Variants in RAB3GAP2 observed in about 807,000 individuals in gnomAD.
The protein encoded by RAB3GAP2 is rab3 GTPase-activating protein non-catalytic subunit.
A neutral mutation model predicts 185.3 loss-of-function variants in RAB3GAP2; 87 were observed. The observed-to-expected ratio is 0.47, with a 90% CI of 0.39 to 0.56. The LOEUF (loss-of-function observed/expected upper bound fraction) is 0.56. Among genes scored for constraint, RAB3GAP2 ranks in the 20% least tolerant of loss-of-function variants. RAB3GAP2 has a pLI of 0.00. For missense variants in RAB3GAP2, 1,492 were observed against 1,638.2 expected, an observed-to-expected ratio of 0.91 and a Z score of 1.54; for synonymous variants, 554 against 576.1, an observed-to-expected ratio of 0.96 and a Z score of 0.55.
rs755085308 is a variant in RAB3GAP2, at chr1:220,205,101, G to A, written c.712+806C>T. 7.1e-4 allele frequency among the ~76,000 whole-genome samples: 108 copies of A among 152,064 alleles called. 2 individuals are homozygous for A. Among genetic ancestry groups the A allele is most frequent in the Non-Finnish European group, 5.3e-4 (36 of 67,984 alleles). ...CTGAAATTGAGATCTGAAAATTGATGGTGTGTCTTTCACTGGCAACAGTTT... is the reference window on the plus strand; with the variant it reads ...CTGAAATTGAGATCTGAAAATTGATAGTGTGTCTTTCACTGGCAACAGTTT... On this transcript the variant is annotated intron_variant, in intron 8 of 34. Coordinates refer to ENST00000358951, the MANE Select transcript of RAB3GAP2 (RefSeq NM_012414.4).
Position 220,151,219 on chromosome 1 carries a change from C to G in RAB3GAP2, c.*32G>C, listed in dbSNP as rs746468351. 6 of 1,600,586 alleles carry G rather than the reference C, an allele frequency of 3.7e-6. No individual in the cohort carries two copies. In the East Asian group the frequency reaches 1.3e-4, roughly 36 times the overall value. On this transcript the variant is annotated 3_prime_UTR_variant, in exon 35 of 35. Coordinates refer to ENST00000358951, the MANE Select transcript of RAB3GAP2 (RefSeq NM_012414.4). ...ACCATGCACTACTTCATGTTATAATCATAATTTTAGACTATTTCCAGTAGG... is the reference window on the plus strand; with the variant it reads ...ACCATGCACTACTTCATGTTATAATGATAATTTTAGACTATTTCCAGTAGG...
chr1:220,218,005 G>A (rs1659229850), intron 2 of RAB3GAP2, among the ~76,000 whole-genome samples: 1 of 152,132 alleles, frequency 6.6e-6, no homozygotes, highest in South Asian at 2.1e-4. Context: ...CATGACAAAA[G>A]CATTGGAAAT....
At chr1:220,193,449 ATG>A in intron 12 of RAB3GAP2, 70 bp from the exon 13 acceptor site, 1 of 1,441,984 alleles carries the variant, frequency 6.9e-7, no homozygotes. Flanking sequence ...GAATAACGAA[ATG>A]CATAAATGAA....
chr1:220,173,123 G>T (rs1217618661), intron 21 of RAB3GAP2, among the ~76,000 whole-genome samples: 1 of 152,218 alleles, frequency 6.6e-6, no homozygotes, highest in Non-Finnish European at 1.5e-5. Flanking sequence ...GGTAGGATCT[G>T]TAGCTGTGGA....
At chr1:220,164,611 G>A (rs1034813335) in intron 27 of RAB3GAP2, 122 bp downstream of exon 27, 1 of 1,385,368 alleles carries the variant, frequency 7.2e-7, no homozygotes, top group African/African-American at 1.5e-5. Flanking sequence ...ACAGTAATAT[G>A]TTAGGCTGCA....
At chr1:220,269,027 G>C (rs12404532) in intron 1 of RAB3GAP2, among the ~76,000 whole-genome samples, 21,422 of 152,180 alleles carry the variant, frequency 0.14, 1,968 homozygotes, top group Admixed American at 0.22. Flanking sequence ...TACCATACTG[G>C]ACAGTAGAAA....
intron 1 of RAB3GAP2, among the ~76,000 whole-genome samples, chr1:220,268,976 G>A (rs1299689817): frequency 1.3e-5 from 2 of 152,110 alleles, no homozygotes; most frequent in African/African-American, 4.8e-5. Flanking sequence ...AGTTGCACTG[G>A]CCACATTTCA....
In RAB3GAP2 at chr1:220,171,000, G is replaced by C; in HGVS notation, c.2698C>G (p.Gln900Glu). 1.2e-6 allele frequency: 2 copies of C among 1,614,158 alleles called. No homozygotes were observed. The highest frequency in any genetic ancestry group is 1.7e-6 in the Non-Finnish European group (2 of 1,180,008). Residue 900 changes from glutamine (Q) to glutamate (E), a missense_variant, in exon 24 of 35, where the codon CAG (glutamine) becomes GAG (glutamate). By Grantham distance (29) the Gln-to-Glu change is conservative. Transcript: ENST00000358951. ...TTCCCTTTGCTGTGAAGCAGAGTCT[G>C]AAGTATGAGACAATCCTCCAGCTGT... Reference protein sequence around the residue: ...LKQLEDCLILQTLLHSKGNTQ... With the variant: ...LKQLEDCLILETLLHSKGNTQ...
chr1:220,151,287 A>C lies in RAB3GAP2; in HGVS notation c.4146T>G (p.Ile1382Met). The change falls in exon 35 of 35, where the codon ATT (isoleucine) becomes ATG (methionine). Residue 1382 changes from isoleucine (I) to methionine (M), a missense_variant. Around this residue, in one of 5 missense-constraint regions of RAB3GAP2, gnomAD observed 387 missense variants for 455.3 expected, o/e 0.85. Transcript: ENST00000358951. The part of the protein sequence containing the change: ...HGQYGLALHL[I>M]EAVEAISLPS... ...GAAGAGATATGGCTTCCACAGCTTCAATGAGGTGTAAGGCTAGACCATATT... is the reference window on the plus strand; with the variant it reads ...GAAGAGATATGGCTTCCACAGCTTCCATGAGGTGTAAGGCTAGACCATATT... 1.2e-6 allele frequency: 2 copies of C among 1,614,042 alleles called. No homozygotes were observed. The highest frequency in any genetic ancestry group is 1.7e-6 in the Non-Finnish European group (2 of 1,179,970).
intron 17 of RAB3GAP2, among the ~76,000 whole-genome samples, chr1:220,186,641 C>T (rs939427222): frequency 1.1e-4 from 16 of 152,114 alleles, no homozygotes; most frequent in African/African-American, 3.9e-4. Flanking sequence ...AACAGTCTCC[C>T]AAAGCCTGAA....
intron 1 of RAB3GAP2, among the ~76,000 whole-genome samples, chr1:220,246,212 A>G (rs1659812002): frequency 6.6e-6 from 1 of 152,250 alleles, no homozygotes; most frequent in South Asian, 2.1e-4. Context: ...AATGCAAATC[A>G]AAACCACAAT....
chr1:220,244,834 G>A (rs752538340), intron 1 of RAB3GAP2, among the ~76,000 whole-genome samples: 2 of 152,038 alleles, frequency 1.3e-5, no homozygotes, highest in Non-Finnish European at 2.9e-5. Context: ...CAAGATAGAT[G>A]AAAGACTTAA....
At chr1:220,180,285 G>T (rs1253420936) in intron 21 of RAB3GAP2, among the ~76,000 whole-genome samples, 2 of 151,764 alleles carry the variant, frequency 1.3e-5, no homozygotes, top group Non-Finnish European at 2.9e-5. Context: ...ATTAGTAAAA[G>T]AAGTAATAAA....
intron 27 of RAB3GAP2, among the ~76,000 whole-genome samples, chr1:220,164,473 G>GTTTTTTTTTTTTTTTTTTTT (rs35024056): frequency 1.9e-5 from 2 of 105,650 alleles, no homozygotes; most frequent in Non-Finnish European, 3.8e-5. Flanking sequence ...TTTTTGTTTT[G>GTTTTTTTTTTTTTTTTTTTT]TTTTTTTTTT....
chr1:220,270,351 C>T (rs1052526236), intron 1 of RAB3GAP2, among the ~76,000 whole-genome samples: 6 of 152,234 alleles, frequency 3.9e-5, no homozygotes, highest in African/African-American at 1.4e-4. Flanking sequence ...TGAACTGACA[C>T]TTTTTGCTGT....
chr1:220,210,330 G>A, intron 7 of RAB3GAP2, 58 bp downstream of exon 7: 2 of 1,269,842 alleles, frequency 1.6e-6, no homozygotes, highest in South Asian at 2.4e-5. Flanking sequence ...AAAAAGAGGA[G>A]AGAAACTGCT....
chr1:220,159,306 T>C (rs1657918471), intron 29 of RAB3GAP2, 80 bp downstream of exon 29: 1 of 1,189,646 alleles, frequency 8.4e-7, no homozygotes, highest in Non-Finnish European at 1.2e-6. Context: ...AAAGGCAAAG[T>C]TCACCTATAC....
In RAB3GAP2 at chr1:220,184,146, C is replaced by T. The variant is rs1658467797; in HGVS notation, c.1888G>A (p.Glu630Lys). The T allele has an allele frequency of 6.2e-7, 1 of 1,610,666 alleles. No homozygotes were observed. The highest frequency in any genetic ancestry group is 1.3e-5 in the African/African-American group (1 of 74,790). The change falls in exon 19 of 35, where the codon GAA becomes AAA. Residue 630 changes from glutamate (E) to lysine (K), a missense_variant. Glu to Lys is a moderately conservative substitution (Grantham distance 56). This residue lies in a region of RAB3GAP2 where 681 missense variants were observed against 689.1 expected (regional missense o/e 0.99). Coordinates refer to ENST00000358951, the MANE Select transcript of RAB3GAP2 (RefSeq NM_012414.4). ...TTGGCACAAAACTGTAGCAATCCTT[C>T]ATCAACAGACTCAAGTTCTAAAAGG... ...LKSQELESVD[E>K]GLLQFCANKL...
chr1:220,199,239 G>C (rs1290342323), intron 9 of RAB3GAP2, among the ~76,000 whole-genome samples: 1 of 152,138 alleles, frequency 6.6e-6, no homozygotes, highest in Non-Finnish European at 1.5e-5. Context: ...TTGACATCTA[G>C]GTAGAAATTA....
Sources: allele counts gnomAD v4.1 joint callset (sites outside exome capture counted in the v4.1 genomes callset), GRCh38; gene constraint gnomAD v4.1.1; regional missense constraint gnomAD v4.1.1; transcripts MANE v1.5; gene names NCBI Gene and HGNC (gene_info 2026-07-23, HGNC 2026-07-21).